DOT1L: variants seen among roughly 807,000 people sequenced by gnomAD.
DOT1L encodes histone-lysine N-methyltransferase, H3 lysine-79 specific.
A neutral mutation model predicts 153.3 loss-of-function variants in DOT1L; 33 were observed. The ratio of observed to expected loss-of-function variants is 0.22; its 90% CI spans 0.16 to 0.29. The LOEUF is 0.29. Among genes scored for constraint, DOT1L ranks in the 10% least tolerant of loss-of-function variants. The probability of loss-of-function intolerance (pLI) is 1.00; values close to 1 mark genes in which losing one functional copy is unlikely to be tolerated. For synonymous variants in DOT1L, 1,135 were observed against 965.1 expected (o/e 1.18, Z -3.26); for missense variants, 1,847 against 2,119.9 (o/e 0.87, Z 2.53).
chr19:2,194,685 A>C, intron 7 of DOT1L, 108 bp downstream of exon 7: 1 of 1,271,362 alleles, frequency 7.9e-7, no homozygotes, highest in South Asian at 1.3e-5. Context: ...CTGTTGGCAC[A>C]TGGTGTGCCC....
chr19:2,196,806 G>A (rs2023042405), intron 7 of DOT1L, among the ~76,000 whole-genome samples: 1 of 152,180 alleles, frequency 6.6e-6, no homozygotes, highest in Non-Finnish European at 1.5e-5. Context: ...CCCTGCCCTG[G>A]TCTTGGCGGT....
Position 2,225,574 on chromosome 19 carries a change from G to A in DOT1L, c.3661+122G>A, listed in dbSNP as rs536066213. On this transcript the variant is annotated intron_variant, in intron 26 of 27. Transcript: ENST00000398665. ...GTCCCGCATGGTGCTGGCCCGCTGC[G>A]TCGTGTCCTGCGTGGTGCTGGCCTG... The A allele has an allele frequency of 1.5e-4, 159 of 1,096,346 alleles. 1 individual carries two copies. The East Asian group carries it at 3.1e-3, about 22-fold the overall frequency. The allele number at this position is 1,096,346 out of a possible 1,614,324, so 67.9% of individuals were successfully genotyped here.
chr19:2,226,698 G>A lies in DOT1L; in HGVS notation c.4177G>A (p.Gly1393Ser), dbSNP rs1194208604. 3.8e-6 allele frequency: 6 copies of A among 1,569,922 alleles called. No individual in the cohort carries two copies. Among genetic ancestry groups the A allele is most frequent in the East Asian group, 4.6e-5 (2 of 43,728 alleles). The change falls in exon 27 of 28, where the codon GGC becomes AGC. Residue 1393 changes from glycine (G) to serine (S), a missense_variant. By Grantham distance (56) the Gly-to-Ser change is moderately conservative. This residue lies in a region of DOT1L where 934 missense variants were observed against 825.3 expected (regional missense o/e 1.13). Transcript: ENST00000398665. ...GSRGKEAGEG[G>S]LPLCGPTDKT... is the part of the protein sequence containing the mutation. ...CCGCGGCAAGGAGGCAGGGGAGGGC[G>A]GCCTACCGCTGTGCGGGCCCACGGA...
Position 2,230,792 on chromosome 19 carries a change from G to A in DOT1L, c.*1000G>A, listed in dbSNP as rs545260388. On this transcript the variant is annotated 3_prime_UTR_variant, in exon 28 of 28. Coordinates refer to ENST00000398665, the MANE Select transcript of DOT1L (RefSeq NM_032482.3). ...AAACAGTGCACAAAATGGCCCCAGC[G>A]TCAGCCCCGACCCTAGACCCCTCAG... The A allele has an allele frequency of 2.8e-4, 108 of 387,658 alleles. No individual in the cohort carries two copies. Among genetic ancestry groups the A allele is most frequent in the African/African-American group, 1.9e-3 (91 of 48,574 alleles). 24.0% of individuals were successfully genotyped at this position (387,658 alleles called of 1,614,324 possible).
At chr19:2,229,237 C>G in intron 27 of DOT1L, 9 of 985,390 alleles carry the variant, frequency 9.1e-6, no homozygotes, top group Non-Finnish European at 1.1e-5. Context: ...CCGCTGACCC[C>G]TGAGGGCAGT....
At chr19:2,224,442 T>G (rs1037086152) in intron 25 of DOT1L, among the ~76,000 whole-genome samples, 9 of 151,636 alleles carry the variant, frequency 5.9e-5, no homozygotes, top group Non-Finnish European at 1.2e-4. Context: ...TGAAGTGATA[T>G]AACATGGTAG....
rs953225474 is a variant in DOT1L, at chr19:2,230,546, C to T, written c.*754C>T. Reference sequence around the variant, plus strand: ...CAAGTGCATTTACTTTTGTATTTCTCGGCTGTCCATGGCTCGCAGCATGCC... The same window carrying T: ...CAAGTGCATTTACTTTTGTATTTCTTGGCTGTCCATGGCTCGCAGCATGCC... On this transcript the variant is annotated 3_prime_UTR_variant, in exon 28 of 28. Transcript: ENST00000398665. 2.0e-5 allele frequency: 8 copies of T among 398,598 alleles called. No homozygotes were observed. Among genetic ancestry groups the T allele is most frequent in the East Asian group, 1.1e-4 (3 of 28,094 alleles). The allele number at this position is 398,598 out of a possible 1,614,324, so 24.7% of individuals were successfully genotyped here. A position where few individuals can be genotyped will look rare whatever the true frequency, so the allele number is the denominator to read the frequency against.
chr19:2,200,737 T>C (rs1329975268), intron 8 of DOT1L, among the ~76,000 whole-genome samples: 64 of 118,260 alleles, frequency 5.4e-4, no homozygotes, highest in Middle Eastern at 0.015. Flanking sequence ...ATTCCTCATC[T>C]TCCCTGTATT....
rs1449861233 is a variant in DOT1L, at chr19:2,220,235, C to T, written c.2806+13C>T. On this transcript the variant is annotated intron_variant, in intron 23 of 27. Transcript: ENST00000398665. The surrounding 1 kb of genome is among the most constrained non-coding windows in gnomAD (Gnocchi z 4.5). ...CTGGCCCCCGCAGGTAACGCCCCTC[C>T]TGTGCCCTACCCTCAGGACTCTGCT... 1.2e-6 allele frequency: 2 copies of T among 1,608,044 alleles called. No homozygotes were observed. The highest frequency in any genetic ancestry group is 2.2e-5 in the East Asian group (1 of 44,628).
At chr19:2,216,102 T>G in intron 19 of DOT1L, 179 bp from the exon 20 acceptor site, 1 of 833,340 alleles carries the variant, frequency 1.2e-6, no homozygotes, top group East Asian at 2.7e-5. Context: ...TCCACATGAC[T>G]TTATTTGACG....
chr19:2,165,535 A>C (rs2144630039), intron 1 of DOT1L, among the ~76,000 whole-genome samples: 1 of 152,322 alleles, frequency 6.6e-6, no homozygotes, highest in South Asian at 2.1e-4. Flanking sequence ...GGATCCCGCC[A>C]GGAGAGGTCC....
chr19:2,213,517 A>G (rs1298095764), intron 16 of DOT1L, 22 bp from the exon 17 acceptor site: 9 of 1,610,696 alleles, frequency 5.6e-6, no homozygotes, highest in Non-Finnish European at 7.6e-6. Context: ...GCCCTTAGTC[A>G]CCTGCCCTGT....
rs138459839 is a variant in DOT1L at position 2,165,092 on chromosome 19, C to T, written c.81+827C>T. On this transcript the variant is annotated intron_variant, in intron 1 of 27. Transcript: ENST00000398665. ...GCGTGCGGCTCCCGGGGTGCGAGTC[C>T]CGGCGTGGCCCCTGAGGAGGCGGGG... is the stretch of plus-strand genomic sequence containing the variant. Among the ~76,000 whole-genome samples the T allele has an allele frequency of 1.3e-3, 200 of 152,308 alleles. No individual in the cohort carries two copies. In the East Asian group the frequency reaches 0.026, roughly 20 times the overall value.
chr19:2,181,963 C>T (rs2022260629), intron 2 of DOT1L, among the ~76,000 whole-genome samples: 1 of 152,170 alleles, frequency 6.6e-6, no homozygotes, highest in African/African-American at 2.4e-5. Context: ...TGGCTCACGC[C>T]TATAATCCCA....
In DOT1L at chr19:2,183,423, G is replaced by A. The variant is rs532274849; in HGVS notation, c.126-2432G>A. 8.5e-5 allele frequency among the ~76,000 whole-genome samples: 13 copies of A among 152,264 alleles called. No homozygotes were observed. The South Asian group carries it at 1.5e-3, about 17-fold the overall frequency. ...TGGCCTCAAGTGATCCACCCGCCTC[G>A]GCCTCCCGAAGTGTGGGGAGGGCTG... On this transcript the variant is annotated intron_variant, in intron 2 of 27. Coordinates refer to ENST00000398665, the MANE Select transcript of DOT1L (RefSeq NM_032482.3).
intron 25 of DOT1L, among the ~76,000 whole-genome samples, chr19:2,224,343 C>T (rs1387390560): frequency 6.6e-6 from 1 of 152,228 alleles, no homozygotes; most frequent in Non-Finnish European, 1.5e-5. Context: ...CACCCTGCCA[C>T]CATGGGTGCA....
intron 24 of DOT1L, 48 bp from the exon 25 acceptor site, chr19:2,223,233 G>A (rs1187098723): frequency 6.3e-7 from 1 of 1,599,178 alleles, no homozygotes; most frequent in African/African-American, 1.3e-5. Context: ...CCTGCCTTGG[G>A]GTCCCGGGTC....
At position 2,226,209 on chromosome 19, in the gene DOT1L, G is replaced by A. The variant is rs373505361; in HGVS notation, c.3688G>A (p.Ala1230Thr). 38 of 1,521,376 alleles carry A rather than the reference G, an allele frequency of 2.5e-5. No individual in the cohort carries two copies. Among genetic ancestry groups the A allele is most frequent in the Admixed American group, 1.4e-4 (7 of 48,940 alleles). The allele number at this position is 1,521,376 out of a possible 1,614,324, so 94.2% of individuals were successfully genotyped here. ...TGGTGGCTTGGCGGGAAGGAAGCCC[G>A]CGCCCGCCGGCGAGCCAGTCAATAG... ...NGGGLAGRKP[A>T]PAGEPVNSSK... Residue 1230 changes from alanine (A) to threonine (T), a missense_variant, in exon 27 of 28, where the codon GCG becomes ACG. Ala to Thr is a moderately conservative substitution (Grantham distance 58). This residue lies in a region of DOT1L where 934 missense variants were observed against 825.3 expected (regional missense o/e 1.13). Transcript: ENST00000398665.
At chr19:2,214,833 T>C (rs532550494) in intron 19 of DOT1L, 1 of 501,356 alleles carries the variant, frequency 2.0e-6, no homozygotes, top group South Asian at 2.3e-5. Flanking sequence ...CTTGGCTGAA[T>C]GCGCAGCGCT....
Sources: gnomAD v4.1 joint callset for allele counts (sites outside exome capture counted in the v4.1 genomes callset) on GRCh38, gnomAD v4.1.1 for gene constraint, gnomAD v4.1.1 regional missense constraint, Gnocchi (gnomAD v3.1) non-coding constraint, MANE v1.5 for transcripts, NCBI Gene and HGNC (gene_info 2026-07-23, HGNC 2026-07-21) for gene names.